Variants in AGAP1 observed in about 807,000 individuals in gnomAD.
AGAP1 encodes ArfGAP with GTPase domain, ankyrin repeat and PH domain 1, also known as arf-GAP with GTPase, ANK repeat and PH domain-containing protein 1.
Under a neutral mutation model 105.3 loss-of-function variants are expected in AGAP1, and 29 were observed. The observed-to-expected ratio is 0.28, with a 90% CI of 0.21 to 0.38. The LOEUF is 0.38. Ranked by LOEUF, AGAP1 falls within the 10% of genes least tolerant of loss-of-function variation. The pLI is 1.00. For synonymous variants in AGAP1, 509 were observed against 485.9 expected (o/e 1.05, Z -0.63); for missense variants, 998 against 1,165.1 (o/e 0.86, Z 2.09).
chr2:235,765,505 T>A (rs568419404), intron 6 of AGAP1, among the ~76,000 whole-genome samples: 1 of 152,164 alleles, frequency 6.6e-6, no homozygotes, highest in Non-Finnish European at 1.5e-5. Context: ...CACTGTTCGT[T>A]TGGGGGCTCA....
rs941717499 is a variant in AGAP1, at chr2:236,123,426, G to A, written c.2371-493G>A. ...AAAATGAAAAAAATACAAATTATTT[G>A]TACAGTCTTATCTCAATTATGTACA... On this transcript the variant is annotated intron_variant, in intron 17 of 17. Coordinates refer to ENST00000304032, the MANE Select transcript of AGAP1 (RefSeq NM_001037131.3). This position sits in a 1 kb window ranked among gnomAD's most constrained non-coding sequence, Gnocchi z 4.6. Among the ~76,000 whole-genome samples the A allele has an allele frequency of 1.3e-5, 2 of 152,082 alleles. No homozygotes were observed. Among genetic ancestry groups the A allele is most frequent in the Admixed American group, 1.3e-4 (2 of 15,272 alleles).
rs1464423534 is a variant in AGAP1, at chr2:236,119,109, T to C, written c.2115-1083T>C. Among the ~76,000 whole-genome samples the C allele has an allele frequency of 6.6e-6, 1 of 152,032 alleles. No homozygotes were observed. The highest frequency in any genetic ancestry group is 1.5e-5 in the Non-Finnish European group (1 of 67,986). On this transcript the variant is annotated intron_variant, in intron 16 of 17. Transcript: ENST00000304032. The surrounding 1 kb of genome is among the most constrained non-coding windows in gnomAD (Gnocchi z 6.6). ...CTGTAGACCCCCCAGGAGGAGACCATGTATTACACTGGCCAGGTCGGGCAG... is the reference window on the plus strand; with the variant it reads ...CTGTAGACCCCCCAGGAGGAGACCACGTATTACACTGGCCAGGTCGGGCAG...
chr2:235,778,858 C>T (rs1263430824), intron 6 of AGAP1, among the ~76,000 whole-genome samples: 1 of 152,224 alleles, frequency 6.6e-6, no homozygotes, highest in Non-Finnish European at 1.5e-5. Context: ...GGCACCACAT[C>T]TTTGTCACCT....
intron 1 of AGAP1, among the ~76,000 whole-genome samples, chr2:235,562,572 C>T (rs1261541769): frequency 6.6e-6 from 1 of 152,130 alleles, no homozygotes; most frequent in Non-Finnish European, 1.5e-5. Context: ...TTCTGGTGGC[C>T]TGGCAGACTC....
rs1183435650 is a variant in AGAP1 at position 235,494,548 on chromosome 2, T to G, written c.-139T>G. On this transcript the variant is annotated 5_prime_UTR_variant, in exon 1 of 18. Coordinates refer to ENST00000304032, the MANE Select transcript of AGAP1 (RefSeq NM_001037131.3). ...CGCGCCTGCTCCGCCCGCGCCTTTC[T>G]TCTCGCGCCTCCTCCGCCCGCCGCC... 1.3e-5 allele frequency: 2 copies of G among 152,700 alleles called. No individual in the cohort carries two copies. The highest frequency in any genetic ancestry group is 1.4e-4 in the Admixed American group (2 of 14,278). 9.5% of individuals were successfully genotyped at this position (152,700 alleles called of 1,614,324 possible). A position where few individuals can be genotyped will look rare whatever the true frequency, so the allele number is the denominator to read the frequency against.
At chr2:235,807,639 G>C (rs950218841) in intron 9 of AGAP1, among the ~76,000 whole-genome samples, 1 of 152,202 alleles carries the variant, frequency 6.6e-6, no homozygotes, top group African/African-American at 2.4e-5. Context: ...GCCGCGGGCC[G>C]CCGGGCAACA....
At chr2:235,985,531 A>G (rs750979543) in intron 13 of AGAP1, among the ~76,000 whole-genome samples, 110 of 152,244 alleles carry the variant, frequency 7.2e-4, no homozygotes, top group Admixed American at 3.6e-3. Context: ...GCCCATGTCT[A>G]TGTCCTGAAT....
intron 9 of AGAP1, among the ~76,000 whole-genome samples, chr2:235,807,547 T>C (rs1282777668): frequency 2.6e-5 from 4 of 152,240 alleles, no homozygotes; most frequent in Non-Finnish European, 5.9e-5. Flanking sequence ...CCTAATGAAG[T>C]GCGGGCTGCC....
At chr2:235,839,336 C>T (rs978721044) in intron 9 of AGAP1, among the ~76,000 whole-genome samples, 1 of 152,242 alleles carries the variant, frequency 6.6e-6, no homozygotes, top group East Asian at 1.9e-4. Context: ...CACACGCACA[C>T]ACTCCGTCCA....
At chr2:235,881,482 G>A (rs1169259018) in intron 9 of AGAP1, among the ~76,000 whole-genome samples, 1 of 152,182 alleles carries the variant, frequency 6.6e-6, no homozygotes, top group African/African-American at 2.4e-5. Context: ...TTTATAAAAG[G>A]GTAGGAGAAG....
At chr2:235,704,832 C>T (rs969485183) in intron 1 of AGAP1, among the ~76,000 whole-genome samples, 2 of 152,110 alleles carry the variant, frequency 1.3e-5, no homozygotes, top group African/African-American at 2.4e-5. Context: ...CCCAAGTGTC[C>T]CGCTGTGTCC....
intron 1 of AGAP1, among the ~76,000 whole-genome samples, chr2:235,591,951 A>C (rs1277646933): frequency 6.8e-6 from 1 of 147,660 alleles, no homozygotes; most frequent in Non-Finnish European, 1.5e-5. Flanking sequence ...GGAGGCCCTT[A>C]GCAAGAGCAG....
At chr2:235,827,027 G>A (rs550622287) in intron 9 of AGAP1, among the ~76,000 whole-genome samples, 1 of 152,296 alleles carries the variant, frequency 6.6e-6, no homozygotes, top group Admixed American at 6.5e-5. Context: ...ATCCTAAGCA[G>A]GGCAAGGAGG....
At chr2:235,947,697 G>A (rs2125246731) in intron 12 of AGAP1, among the ~76,000 whole-genome samples, 1 of 152,254 alleles carries the variant, frequency 6.6e-6, no homozygotes, top group Non-Finnish European at 1.5e-5. Flanking sequence ...TATTCTCAAA[G>A]CCTAGAACAG....
intron 1 of AGAP1, among the ~76,000 whole-genome samples, chr2:235,643,462 A>G (rs7607485): frequency 0.034 from 4,672 of 135,464 alleles, 242 homozygotes; most frequent in African/African-American, 0.11. Context: ...AAAAAAAAAG[A>G]AAGAAAGTTT....
chr2:236,083,584 G>A lies in AGAP1; in HGVS notation c.2114+34303G>A, dbSNP rs576634821. 4.6e-5 allele frequency among the ~76,000 whole-genome samples: 7 copies of A among 152,242 alleles called. No individual in the cohort carries two copies. In the South Asian group the frequency reaches 1.5e-3, roughly 32 times the overall value. On this transcript the variant is annotated intron_variant, in intron 16 of 17. Coordinates refer to ENST00000304032, the MANE Select transcript of AGAP1 (RefSeq NM_001037131.3). The surrounding 1 kb of genome is among the most constrained non-coding windows in gnomAD (Gnocchi z 5.3). Reference sequence around the variant, plus strand: ...TAAATGTGTGCATGCTCACACCCATGCCTACATTAGAAAGAGAAGTACCCC... The same window carrying A: ...TAAATGTGTGCATGCTCACACCCATACCTACATTAGAAAGAGAAGTACCCC...
chr2:235,668,902 T>C (rs941047708), intron 1 of AGAP1, among the ~76,000 whole-genome samples: 1 of 152,136 alleles, frequency 6.6e-6, no homozygotes, highest in African/African-American at 2.4e-5. Context: ...TGAATAAGCC[T>C]GGCTTGCGGG....
intron 1 of AGAP1, among the ~76,000 whole-genome samples, chr2:235,524,161 A>AC (rs1942739028): frequency 6.6e-6 from 1 of 152,136 alleles, no homozygotes; most frequent in Non-Finnish European, 1.5e-5. Context: ...TCCGTGGGCC[A>AC]CCATTGTCTC....
intron 9 of AGAP1, among the ~76,000 whole-genome samples, chr2:235,873,751 G>A (rs1441310316): frequency 3.3e-5 from 5 of 152,176 alleles, no homozygotes; most frequent in Admixed American, 2.6e-4. Flanking sequence ...TTTTTGAGAC[G>A]AGGTCTTACT....
Sources: allele counts gnomAD v4.1 joint callset (sites outside exome capture counted in the v4.1 genomes callset), GRCh38; gene constraint gnomAD v4.1.1; non-coding constraint Gnocchi (gnomAD v3.1); transcripts MANE v1.5; gene names NCBI Gene and HGNC (gene_info 2026-07-23, HGNC 2026-07-21).